PRKG1: variants seen among roughly 807,000 people sequenced by gnomAD.
PRKG1 encodes cGMP-dependent protein kinase 1.
Under a neutral mutation model 88.1 loss-of-function variants are expected in PRKG1, and 35 were observed. The ratio of observed to expected loss-of-function variants is 0.40; its 90% CI spans 0.30 to 0.53. The LOEUF (loss-of-function observed/expected upper bound fraction) is 0.53. Ranked by LOEUF, PRKG1 falls within the 20% of genes least tolerant of loss-of-function variation. The pLI is 0.59. For synonymous variants in PRKG1, 303 were observed against 292.5 expected, an observed-to-expected ratio of 1.04 and a Z score of -0.37; for missense variants, 540 against 839.8, an observed-to-expected ratio of 0.64 and a Z score of 4.41.
intron 5 of PRKG1, among the ~76,000 whole-genome samples, chr10:51,932,197 GT>G (rs1195459048): frequency 0.044 from 5,874 of 133,260 alleles, 334 homozygotes; most frequent in African/African-American, 0.14. Context: ...TTGGTTTGGT[GT>G]TTTTTTTTTT....
At chr10:51,303,752 C>A (rs979767843) in intron 2 of PRKG1, among the ~76,000 whole-genome samples, 1 of 151,698 alleles carries the variant, frequency 6.6e-6, no homozygotes, top group Non-Finnish European at 1.5e-5. Flanking sequence ...GAATTTAATT[C>A]TCTTTAAGAT....
chr10:52,056,121 C>T (rs1846105403), intron 6 of PRKG1, among the ~76,000 whole-genome samples: 1 of 152,082 alleles, frequency 6.6e-6, no homozygotes, highest in African/African-American at 2.4e-5. Context: ...CATGTCTGAC[C>T]ACGGTTACAG....
At chr10:51,731,351 C>G (rs1355583519) in intron 3 of PRKG1, among the ~76,000 whole-genome samples, 1 of 151,948 alleles carries the variant, frequency 6.6e-6, no homozygotes, top group South Asian at 2.1e-4. Flanking sequence ...GATGGTAGCC[C>G]GTTAATTCTT....
intron 2 of PRKG1, among the ~76,000 whole-genome samples, chr10:51,385,388 G>A (rs892960474): frequency 2.6e-5 from 4 of 152,116 alleles, no homozygotes; most frequent in Middle Eastern, 3.2e-3. Flanking sequence ...CATACGTTAA[G>A]GACAATATAT....
intron 4 of PRKG1, among the ~76,000 whole-genome samples, chr10:51,869,469 A>G (rs532257304): frequency 1.3e-5 from 2 of 152,188 alleles, no homozygotes; most frequent in African/African-American, 4.8e-5. Context: ...AAACTTCCAT[A>G]AGGGAAAATG....
At chr10:51,086,522 C>CT (rs1270733112) in intron 1 of PRKG1, among the ~76,000 whole-genome samples, 2 of 152,102 alleles carry the variant, frequency 1.3e-5, no homozygotes, top group African/African-American at 4.8e-5. Context: ...ATTATAATAA[C>CT]TTTTTTCCAA....
At chr10:51,591,006 ATT>A (rs1464205829) in intron 3 of PRKG1, among the ~76,000 whole-genome samples, 1 of 152,194 alleles carries the variant, frequency 6.6e-6, no homozygotes, top group African/African-American at 2.4e-5. Context: ...CTGGACATTG[ATT>A]TCTAAATTCA....
At chr10:51,927,547 C>T (rs1263078952) in intron 5 of PRKG1, among the ~76,000 whole-genome samples, 4 of 151,442 alleles carry the variant, frequency 2.6e-5, no homozygotes, top group Non-Finnish European at 4.4e-5. Context: ...TACAGATTGG[C>T]AGCAGCAATC....
chr10:51,452,128 C>T (rs1839455088), intron 2 of PRKG1, among the ~76,000 whole-genome samples: 2 of 151,876 alleles, frequency 1.3e-5, no homozygotes, highest in Non-Finnish European at 2.9e-5. Context: ...TATAAACAAA[C>T]TTGTGCATTC....
chr10:51,758,762 A>C (rs189567588), intron 3 of PRKG1, among the ~76,000 whole-genome samples: 181 of 152,074 alleles, frequency 1.2e-3, no homozygotes, highest in African/African-American at 4.1e-3. Context: ...ATGTGCCATG[A>C]TGGTTTGCTG....
At chr10:51,977,161 A>G (rs995418242) in intron 5 of PRKG1, among the ~76,000 whole-genome samples, 12 of 151,746 alleles carry the variant, frequency 7.9e-5, no homozygotes, top group Admixed American at 6.6e-4. Context: ...GCTCCCCTCT[A>G]TGTGTCTATG....
chr10:52,101,131 C>T (rs577940544), intron 7 of PRKG1, among the ~76,000 whole-genome samples: 100 of 152,218 alleles, frequency 6.6e-4, no homozygotes, highest in Non-Finnish European at 1.1e-3. Context: ...GCATATCTCT[C>T]TGCATTTTTA....
At chr10:51,614,805 A>C (rs1232691987) in intron 3 of PRKG1, among the ~76,000 whole-genome samples, 1 of 152,044 alleles carries the variant, frequency 6.6e-6, no homozygotes, top group Non-Finnish European at 1.5e-5. Context: ...CCTAGTGGTC[A>C]TGCATTTTCT....
At chr10:52,208,998 G>T (rs1345494369) in intron 9 of PRKG1, among the ~76,000 whole-genome samples, 1 of 152,084 alleles carries the variant, frequency 6.6e-6, no homozygotes, top group Non-Finnish European at 1.5e-5. Flanking sequence ...TTTTAATAAT[G>T]TAGAAAATAT....
At chr10:52,149,662 T>A (rs968062665) in intron 8 of PRKG1, among the ~76,000 whole-genome samples, 1 of 149,992 alleles carries the variant, frequency 6.7e-6, no homozygotes, top group Non-Finnish European at 1.5e-5. Context: ...AAACCAAACC[T>A]GGTGGCTCCT....
At chr10:51,855,624 G>A (rs1324083614) in intron 4 of PRKG1, among the ~76,000 whole-genome samples, 1 of 152,110 alleles carries the variant, frequency 6.6e-6, no homozygotes, top group Non-Finnish European at 1.5e-5. Flanking sequence ...TCCTATTTAA[G>A]GGACCTCATT....
intron 5 of PRKG1, among the ~76,000 whole-genome samples, chr10:51,939,927 C>T (rs1564717581): frequency 6.6e-6 from 1 of 151,880 alleles, no homozygotes. Context: ...AAAACTGAGA[C>T]TATTTGTTGA....
intron 7 of PRKG1, among the ~76,000 whole-genome samples, chr10:52,116,508 C>T (rs890740345): frequency 6.6e-6 from 1 of 152,234 alleles, no homozygotes; most frequent in East Asian, 1.9e-4. Flanking sequence ...ATTTCACCAA[C>T]GTGATCTGAA....
At chr10:51,739,241 T>C (rs1326250392) in intron 3 of PRKG1, among the ~76,000 whole-genome samples, 1 of 152,116 alleles carries the variant, frequency 6.6e-6, no homozygotes, top group African/African-American at 2.4e-5. Context: ...ATATCATATA[T>C]TCATTTGGTA....
Sources: gnomAD v4.1 joint callset for allele counts (sites outside exome capture counted in the v4.1 genomes callset) on GRCh38, gnomAD v4.1.1 for gene constraint, MANE v1.5 for transcripts, NCBI Gene and HGNC (gene_info 2026-07-23, HGNC 2026-07-21) for gene names.